Variants in WWOX observed in about 807,000 individuals in gnomAD.
WWOX encodes WW domain containing oxidoreductase.
A neutral mutation model predicts 46.2 loss-of-function variants in WWOX; 69 were observed. The observed-to-expected ratio is 1.49, with a 90% CI of 1.23 to 1.82. WWOX has a LOEUF of 1.82. Among genes scored for constraint, WWOX ranks in the 40% most tolerant of loss-of-function variants. The probability of loss-of-function intolerance (pLI) is 0.00; values close to 1 mark genes in which losing one functional copy is unlikely to be tolerated. For synonymous variants in WWOX, 359 were observed against 202.6 expected (o/e 1.77, Z -6.56); for missense variants, 919 against 542.6 (o/e 1.69, Z -6.89).
At chr16:78,354,551 T>G (rs181069454) in intron 5 of WWOX, among the ~76,000 whole-genome samples, 2 of 152,152 alleles carry the variant, frequency 1.3e-5, no homozygotes, top group Admixed American at 6.5e-5. Flanking sequence ...GAGACCCTTA[T>G]TTTTCATATG....
At chr16:78,522,483 C>A (rs1263863326) in intron 8 of WWOX, among the ~76,000 whole-genome samples, 4 of 152,266 alleles carry the variant, frequency 2.6e-5, no homozygotes, top group South Asian at 4.1e-4. Flanking sequence ...CCTCTGTCTC[C>A]GATGTCACTC....
intron 8 of WWOX, among the ~76,000 whole-genome samples, chr16:78,947,614 C>A (rs1047329705): frequency 1.3e-5 from 2 of 152,194 alleles, no homozygotes; most frequent in Admixed American, 1.3e-4. Context: ...GTCCACGCCA[C>A]ACTGTGGTCA....
rs373123603 is a variant in WWOX at position 78,989,685 on chromosome 16, A to G, written c.1057-221923A>G. On this transcript the variant is annotated intron_variant, in intron 8 of 8. Coordinates refer to ENST00000566780, the MANE Select transcript of WWOX (RefSeq NM_016373.4). ...GCAAGAAGGGTGTTAGGGAGCAGAG[A>G]GCATGAGTAAGCCAGAAGCAGAGCA... is the stretch of plus-strand genomic sequence containing the variant. Among the ~76,000 whole-genome samples, 17 of 152,224 alleles carry G rather than the reference A, an allele frequency of 1.1e-4. 1 individual carries two copies. The East Asian group carries it at 2.7e-3, about 24-fold the overall frequency.
chr16:78,570,308 G>C (rs531095692), intron 8 of WWOX, among the ~76,000 whole-genome samples: 4 of 152,206 alleles, frequency 2.6e-5, no homozygotes, highest in African/African-American at 9.6e-5. Flanking sequence ...TGAAACATTG[G>C]TAGTAGATGA....
chr16:78,379,564 G>C (rs1200778710), intron 5 of WWOX, among the ~76,000 whole-genome samples: 1 of 152,204 alleles, frequency 6.6e-6, no homozygotes, highest in East Asian at 1.9e-4. Flanking sequence ...CCAAAAGTCT[G>C]TGCCAGGGAT....
chr16:78,839,409 G>T (rs1387707943), intron 8 of WWOX, among the ~76,000 whole-genome samples: 1 of 152,054 alleles, frequency 6.6e-6, no homozygotes, highest in Non-Finnish European at 1.5e-5. Context: ...TGTTGGTTTG[G>T]CATTGATTTT....
intron 5 of WWOX, among the ~76,000 whole-genome samples, chr16:78,220,881 T>G (rs1370452873): frequency 6.6e-6 from 1 of 152,222 alleles, no homozygotes; most frequent in Non-Finnish European, 1.5e-5. Context: ...AATTTCTTTT[T>G]GGACTCATTC....
chr16:78,166,352 G>T (rs1251404196), intron 5 of WWOX, among the ~76,000 whole-genome samples: 1 of 152,114 alleles, frequency 6.6e-6, no homozygotes, highest in African/African-American at 2.4e-5. Flanking sequence ...GTGTTTCACA[G>T]TTCTCTCTTT....
chr16:78,682,097 C>G (rs2047743951), intron 8 of WWOX, among the ~76,000 whole-genome samples: 1 of 152,200 alleles, frequency 6.6e-6, no homozygotes. Flanking sequence ...AAGTCTGCAG[C>G]TGGTGACATT....
chr16:78,842,030 T>C (rs7405423), intron 8 of WWOX, among the ~76,000 whole-genome samples: 126,665 of 152,096 alleles, frequency 0.83, 52,961 homozygotes, highest in Middle Eastern at 0.89. Context: ...GAATGGTAAT[T>C]GGCATCTCCC....
chr16:78,435,386 C>A (rs1291834243), intron 8 of WWOX, among the ~76,000 whole-genome samples: 1 of 152,192 alleles, frequency 6.6e-6, no homozygotes, highest in Non-Finnish European at 1.5e-5. Flanking sequence ...AGCTCAGAGA[C>A]TACTTGTGAA....
At chr16:78,660,499 C>A (rs1441418672) in intron 8 of WWOX, among the ~76,000 whole-genome samples, 2 of 152,070 alleles carry the variant, frequency 1.3e-5, no homozygotes, top group Admixed American at 6.6e-5. Flanking sequence ...ATTCAAAGCT[C>A]CTTCTGTCTT....
At chr16:78,354,312 C>CTTT (rs55635025) in intron 5 of WWOX, among the ~76,000 whole-genome samples, 4 of 123,276 alleles carry the variant, frequency 3.2e-5, no homozygotes, top group South Asian at 2.6e-4. Context: ...ATGTGCTTAA[C>CTTT]TTTTTTTTTT....
chr16:78,106,438 T>TTTTTG, intron 1 of WWOX, among the ~76,000 whole-genome samples: 1 of 150,036 alleles, frequency 6.7e-6, no homozygotes, highest in Admixed American at 6.7e-5. Flanking sequence ...TTTTTTTTTT[T>TTTTTG]TGAGATGGAG....
chr16:78,554,899 A>G (rs890084298), intron 8 of WWOX, among the ~76,000 whole-genome samples: 2 of 152,068 alleles, frequency 1.3e-5, no homozygotes, highest in Non-Finnish European at 2.9e-5. Context: ...TCCTTTCACA[A>G]AGACTGTAAG....
intron 8 of WWOX, chr16:79,090,014 C>G (rs2048925993): frequency 6.6e-6 from 1 of 150,996 alleles, no homozygotes; most frequent in Non-Finnish European, 1.5e-5. Flanking sequence ...GGTTAAGGAA[C>G]TGGCTTTGAC....
intron 8 of WWOX, chr16:79,206,052 G>A (rs749024712): frequency 4.6e-5 from 7 of 152,112 alleles, no homozygotes; most frequent in Non-Finnish European, 8.8e-5. Context: ...TTGGATCATC[G>A]AAGGGGGTGC....
Position 79,212,306 on chromosome 16 carries a change from G to GAGAC in WWOX, c.*512_*515dup. 1.1e-6 allele frequency: 1 copy of GAGAC among 922,886 alleles called. No homozygotes were observed. Among genetic ancestry groups the GAGAC allele is most frequent in the Non-Finnish European group, 1.6e-6 (1 of 638,360 alleles). 57.2% of individuals were successfully genotyped at this position (922,886 alleles called of 1,614,324 possible). ...CTGAGCCAGCTTAGCAACTGCTGGG[G>GAGAC]AGACAAATCTCAGAACCTTGTCCCA... On this transcript the variant is annotated 3_prime_UTR_variant, in exon 9 of 9. Transcript: ENST00000566780.
intron 5 of WWOX, among the ~76,000 whole-genome samples, chr16:78,267,576 C>T (rs1452385664): frequency 3.3e-5 from 5 of 152,156 alleles, no homozygotes; most frequent in African/African-American, 9.7e-5. Flanking sequence ...GGGAATGAGC[C>T]CCTGAGGAAG....
Sources: allele counts gnomAD v4.1 joint callset (sites outside exome capture counted in the v4.1 genomes callset), GRCh38; gene constraint gnomAD v4.1.1; transcripts MANE v1.5; gene names NCBI Gene and HGNC (gene_info 2026-07-23, HGNC 2026-07-21).